GABRG3: variants seen among roughly 807,000 people sequenced by gnomAD.
GABRG3 encodes gamma-aminobutyric acid receptor subunit gamma-3.
A neutral mutation model predicts 48.8 loss-of-function variants in GABRG3; 25 were observed. That is an observed-to-expected ratio of 0.51 (90% CI 0.37 to 0.72). The LOEUF (loss-of-function observed/expected upper bound fraction) is 0.72. GABRG3 is among the 30% of genes least tolerant of loss of function. The pLI is 0.00. For synonymous variants in GABRG3, 227 were observed against 217.6 expected (o/e 1.04, Z -0.38); for missense variants, 394 against 577.9 (o/e 0.68, Z 3.26).
chr15:27,006,648 C>T (rs1895590635), intron 2 of GABRG3, among the ~76,000 whole-genome samples: 1 of 152,150 alleles, frequency 6.6e-6, no homozygotes, highest in Admixed American at 6.5e-5. Flanking sequence ...TTGATTCTCA[C>T]CTTCCTTTCA....
At chr15:27,031,562 T>G (rs1469754298) in intron 3 of GABRG3, among the ~76,000 whole-genome samples, 3 of 152,214 alleles carry the variant, frequency 2.0e-5, no homozygotes, top group Non-Finnish European at 4.4e-5. Flanking sequence ...ATGGGATGGC[T>G]CTGTGGATTG....
At chr15:27,141,902 T>C (rs1898110540) in intron 3 of GABRG3, among the ~76,000 whole-genome samples, 1 of 152,206 alleles carries the variant, frequency 6.6e-6, no homozygotes, top group Non-Finnish European at 1.5e-5. Flanking sequence ...CCATCTCTCA[T>C]CTGTCTTTGC....
chr15:27,143,569 T>A (rs1308963057), intron 3 of GABRG3, among the ~76,000 whole-genome samples: 1 of 152,186 alleles, frequency 6.6e-6, no homozygotes, highest in Non-Finnish European at 1.5e-5. Context: ...TCTCAATAAA[T>A]GGAAAAGCCC....
At chr15:27,116,128 C>T (rs1425252879) in intron 3 of GABRG3, among the ~76,000 whole-genome samples, 1 of 152,138 alleles carries the variant, frequency 6.6e-6, no homozygotes, top group African/African-American at 2.4e-5. Flanking sequence ...CAGATGTCGC[C>T]CAGGGGATGG....
chr15:27,416,275 G>A (rs1887937699), intron 5 of GABRG3, among the ~76,000 whole-genome samples: 1 of 152,136 alleles, frequency 6.6e-6, no homozygotes, highest in Non-Finnish European at 1.5e-5. Context: ...ATCTAGTCCT[G>A]TGATTGGGTC....
At chr15:27,300,184 T>C (rs939311145) in intron 3 of GABRG3, among the ~76,000 whole-genome samples, 5 of 152,118 alleles carry the variant, frequency 3.3e-5, no homozygotes, top group African/African-American at 1.2e-4. Flanking sequence ...CAACATTTTC[T>C]ACAGAATTTA....
At chr15:27,238,129 G>T (rs563517632) in intron 3 of GABRG3, among the ~76,000 whole-genome samples, 1 of 100,146 alleles carries the variant, frequency 1.0e-5, no homozygotes, top group African/African-American at 2.7e-5. Context: ...AGACAGCAGC[G>T]GTGGCAGATT....
chr15:27,038,453 T>G (rs1896216643), intron 3 of GABRG3, among the ~76,000 whole-genome samples: 1 of 152,172 alleles, frequency 6.6e-6, no homozygotes, highest in African/African-American at 2.4e-5. Flanking sequence ...TTTGATGAGT[T>G]TCTTGCCTCT....
At chr15:27,358,272 G>A (rs941781496) in intron 5 of GABRG3, among the ~76,000 whole-genome samples, 1 of 152,150 alleles carries the variant, frequency 6.6e-6, no homozygotes, top group East Asian at 1.9e-4. Context: ...TCTTACGAGT[G>A]AAAATGCTAT....
intron 3 of GABRG3, among the ~76,000 whole-genome samples, chr15:27,321,393 G>C (rs573291002): frequency 6.6e-6 from 1 of 152,284 alleles, no homozygotes; most frequent in South Asian, 2.1e-4. Context: ...CAGGCGCCCA[G>C]GGAGAGAGGG....
intron 2 of GABRG3, among the ~76,000 whole-genome samples, chr15:27,001,802 A>G (rs969324939): frequency 2.6e-5 from 4 of 151,814 alleles, no homozygotes; most frequent in African/African-American, 9.7e-5. Flanking sequence ...CAGTCCTTGA[A>G]TCTGGATTAA....
chr15:27,329,245 T>A (rs1893723708), intron 5 of GABRG3, among the ~76,000 whole-genome samples: 1 of 152,214 alleles, frequency 6.6e-6, no homozygotes, highest in African/African-American at 2.4e-5. Context: ...ATTATCTTTT[T>A]TAAATTTATT....
intron 5 of GABRG3, among the ~76,000 whole-genome samples, chr15:27,404,737 T>C (rs1233417805): frequency 6.6e-6 from 1 of 152,152 alleles, no homozygotes; most frequent in Non-Finnish European, 1.5e-5. Flanking sequence ...GCCACATGTA[T>C]CTTCTCTGAG....
chr15:26,988,010 G>A (rs137960251), intron 2 of GABRG3, among the ~76,000 whole-genome samples: 258 of 152,230 alleles, frequency 1.7e-3, no homozygotes, highest in African/African-American at 5.8e-3. Context: ...ATTTCACTGT[G>A]CTTAAAGAAC....
chr15:27,070,178 A>G (rs541471011), intron 3 of GABRG3, among the ~76,000 whole-genome samples: 3 of 152,348 alleles, frequency 2.0e-5, no homozygotes, highest in South Asian at 2.1e-4. Flanking sequence ...TCTGCAAAAC[A>G]AAACCTTTTG....
intron 3 of GABRG3, among the ~76,000 whole-genome samples, chr15:27,243,668 C>T (rs997224846): frequency 6.6e-6 from 1 of 152,162 alleles, no homozygotes; most frequent in Non-Finnish European, 1.5e-5. Context: ...AACGTTGTTG[C>T]TCAGAGTTCT....
chr15:27,463,552 GC>G (rs1401989210), intron 5 of GABRG3, among the ~76,000 whole-genome samples: 1 of 152,182 alleles, frequency 6.6e-6, no homozygotes, highest in African/African-American at 2.4e-5. Flanking sequence ...CCTGGGAGAG[GC>G]CCTAGCACAA....
At chr15:27,522,985 T>C (rs1891193448) in intron 7 of GABRG3, among the ~76,000 whole-genome samples, 1 of 151,878 alleles carries the variant, frequency 6.6e-6, no homozygotes, top group Non-Finnish European at 1.5e-5. Context: ...AATATCAATG[T>C]CCTTGAGCTA....
chr15:27,153,166 T>TA (rs1898353511), intron 3 of GABRG3, among the ~76,000 whole-genome samples: 1 of 152,204 alleles, frequency 6.6e-6, no homozygotes, highest in Non-Finnish European at 1.5e-5. Context: ...TGGCCTGAGT[T>TA]AGTTTTTGTA....
Sources: allele counts gnomAD v4.1 joint callset (sites outside exome capture counted in the v4.1 genomes callset), GRCh38; gene constraint gnomAD v4.1.1; transcripts MANE v1.5; gene names NCBI Gene and HGNC (gene_info 2026-07-23, HGNC 2026-07-21).